The following FLNB variants were observed in gnomAD, a reference collection of about 807,000 sequenced individuals.
FLNB encodes filamin B.
A neutral mutation model predicts 250.6 loss-of-function variants in FLNB; 111 were observed. The ratio of observed to expected loss-of-function variants is 0.44; its 90% CI spans 0.38 to 0.52. The LOEUF is 0.52. FLNB is among the 20% of genes least tolerant of loss of function. The pLI, the probability that FLNB is intolerant of heterozygous loss-of-function variation, is 0.00. For missense variants in FLNB, 2,869 were observed against 3,447.8 expected, an observed-to-expected ratio of 0.83 and a Z score of 4.20; for synonymous variants, 1,302 against 1,372.1, an observed-to-expected ratio of 0.95 and a Z score of 1.13.
At chr3:58,100,843 C>T (rs1206895038) in intron 8 of FLNB, among the ~76,000 whole-genome samples, 2 of 151,936 alleles carry the variant, frequency 1.3e-5, no homozygotes, top group South Asian at 2.1e-4. Flanking sequence ...AAGTGATCCA[C>T]CTGCCTCGGC....
chr3:58,156,207 T>A (rs1200880178), intron 41 of FLNB, 132 bp downstream of exon 41: 1 of 704,212 alleles, frequency 1.4e-6, no homozygotes, highest in African/African-American at 1.8e-5. Flanking sequence ...TGTCACCCAG[T>A]CACTGGGGAG....
At chr3:58,049,409 C>T (rs2097158944) in intron 1 of FLNB, among the ~76,000 whole-genome samples, 1 of 152,078 alleles carries the variant, frequency 6.6e-6, no homozygotes, top group Non-Finnish European at 1.5e-5. Flanking sequence ...TATGACCTCA[C>T]CCATGAAGAA....
At chr3:58,137,616 T>C (rs2097318655) in intron 28 of FLNB, among the ~76,000 whole-genome samples, 1 of 152,244 alleles carries the variant, frequency 6.6e-6, no homozygotes, top group Non-Finnish European at 1.5e-5. Context: ...CTTTTCTGCA[T>C]TTCCTGATAT....
chr3:58,134,477 G>A (rs964721641), intron 26 of FLNB, 139 bp from the exon 27 acceptor site: 9 of 978,184 alleles, frequency 9.2e-6, no homozygotes, highest in Non-Finnish European at 1.5e-5. Context: ...GCTAGACTTA[G>A]GCACCTTGAC....
intron 32 of FLNB, 117 bp from the exon 33 acceptor site, chr3:58,145,804 C>T: frequency 1.6e-6 from 2 of 1,245,634 alleles, no homozygotes; most frequent in Admixed American, 1.7e-5. Context: ...TCTCTTCATG[C>T]CTCTGCTTAG....
chr3:58,103,937 AT>A, intron 9 of FLNB, 21 bp from the exon 10 acceptor site: 2 of 1,613,994 alleles, frequency 1.2e-6, no homozygotes, highest in South Asian at 1.1e-5. Context: ...TGTTGGAAAG[AT>A]TATCTCCTTC....
At chr3:58,148,615 C>T (rs1258270259) in intron 35 of FLNB, 34 bp from the exon 36 acceptor site, 7 of 1,568,776 alleles carry the variant, frequency 4.5e-6, no homozygotes, top group African/African-American at 2.7e-5. Flanking sequence ...TCTCCGCCAT[C>T]CCCTTACAAG....
chr3:58,099,393 A>G lies in FLNB; in HGVS notation c.1345+485A>G, dbSNP rs77459309. Among the ~76,000 whole-genome samples, 7 of 152,290 alleles carry G rather than the reference A, an allele frequency of 4.6e-5. No homozygotes were observed. In the East Asian group the frequency reaches 1.2e-3, roughly 25 times the overall value. On this transcript the variant is annotated intron_variant, in intron 8 of 45. Coordinates refer to ENST00000295956, the MANE Select transcript of FLNB (RefSeq NM_001457.4). ...TGCTGAGGCTTAGATAGCGTTAGGTATCAGTACTACAAGGCATCAGCAGGG... is the reference window on the plus strand; with the variant it reads ...TGCTGAGGCTTAGATAGCGTTAGGTGTCAGTACTACAAGGCATCAGCAGGG...
At chr3:58,116,500 C>T (rs1260044734) in intron 18 of FLNB, among the ~76,000 whole-genome samples, 2 of 152,200 alleles carry the variant, frequency 1.3e-5, no homozygotes, top group Non-Finnish European at 2.9e-5. Context: ...ACCTGCAGGC[C>T]TGCCACTCCA....
intron 1 of FLNB, among the ~76,000 whole-genome samples, chr3:58,065,936 GA>G (rs2097184914): frequency 6.6e-6 from 1 of 152,166 alleles, no homozygotes; most frequent in Admixed American, 6.5e-5. Flanking sequence ...GCGAGACACA[GA>G]CTGCCATCAG....
At position 58,153,326 on chromosome 3, in the gene FLNB, GC is replaced by G. The variant is rs764146679; in HGVS notation, c.6368-46del. The G allele has an allele frequency of 1.9e-5, 31 of 1,610,468 alleles. No homozygotes were observed. In the African/African-American group the frequency reaches 4.1e-4, roughly 21 times the overall value. ...CCCTGCATGTCCTGCCCTGTCTCAG[GC>G]CCTTGCCCTAACCCTCTTCTCTCCC... On this transcript the variant is annotated intron_variant, in intron 38 of 45. Transcript: ENST00000295956.
At chr3:58,093,544 G>A (rs1400397887) in intron 4 of FLNB, among the ~76,000 whole-genome samples, 2 of 152,074 alleles carry the variant, frequency 1.3e-5, no homozygotes, top group Non-Finnish European at 2.9e-5. Context: ...AGATGCTCTT[G>A]TCACCAAGGA....
intron 40 of FLNB, 26 bp from the exon 41 acceptor site, chr3:58,155,934 A>G: frequency 6.6e-7 from 1 of 1,523,916 alleles, no homozygotes; most frequent in Non-Finnish European, 9.1e-7. Context: ...AGTCTCTGAA[A>G]TGATGGGACT....
At chr3:58,066,197 GTTTTCTTTTTTCTTT>G (rs1420091151) in intron 1 of FLNB, among the ~76,000 whole-genome samples, 2 of 150,386 alleles carry the variant, frequency 1.3e-5, no homozygotes, top group Non-Finnish European at 3.0e-5. Flanking sequence ...TCTTCTTTAA[GTTTTCTTTTTTCTTT>G]TTTTCTTTTT....
At chr3:58,010,597 C>T (rs1297367043) in intron 1 of FLNB, among the ~76,000 whole-genome samples, 1 of 152,222 alleles carries the variant, frequency 6.6e-6, no homozygotes, top group East Asian at 1.9e-4. Context: ...AGCCTCCCCT[C>T]TGAAGAATCC....
intron 12 of FLNB, among the ~76,000 whole-genome samples, chr3:58,107,376 A>G (rs556948618): frequency 1.9e-4 from 29 of 152,292 alleles, no homozygotes; most frequent in African/African-American, 6.3e-4. Flanking sequence ...GCACTTTTAT[A>G]GTGTTGGGCA....
chr3:58,141,403 A>G (rs1262087387), intron 29 of FLNB, among the ~76,000 whole-genome samples: 2 of 152,124 alleles, frequency 1.3e-5, no homozygotes, highest in Non-Finnish European at 2.9e-5. Context: ...CACCGTACAT[A>G]CTGCTTTCGC....
In FLNB at chr3:58,153,599, G is replaced by A; in HGVS notation, c.6592G>A (p.Ala2198Thr). Residue 2198 changes from alanine to threonine, a missense_variant, in exon 39 of 46, where the codon GCA becomes ACA. By Grantham distance (58) the Ala-to-Thr change is moderately conservative. Around this residue, in one of 5 missense-constraint regions of FLNB, gnomAD observed 1,084 missense variants for 1,315.5 expected, o/e 0.82. Coordinates refer to ENST00000295956, the MANE Select transcript of FLNB (RefSeq NM_001457.4). ...LGEGGAHKVR[A>T]GGPGLERGEA... The stretch of plus-strand genomic sequence containing the variant: ...TGAAGGAGGCGCCCACAAGGTGCGG[G>A]CAGGAGGCCCTGGCCTGGAGAGAGG... The A allele has an allele frequency of 1.2e-6, 2 of 1,614,130 alleles. No individual in the cohort carries two copies. The highest frequency in any genetic ancestry group is 1.7e-6 in the Non-Finnish European group (2 of 1,180,038).
At chr3:58,115,991 C>G (rs1053228512) in intron 18 of FLNB, among the ~76,000 whole-genome samples, 1 of 151,894 alleles carries the variant, frequency 6.6e-6, no homozygotes, top group African/African-American at 2.4e-5. Flanking sequence ...AATTTCCTTC[C>G]CACCCCCACC....
Sources: gnomAD v4.1 joint callset for allele counts (sites outside exome capture counted in the v4.1 genomes callset) on GRCh38, gnomAD v4.1.1 for gene constraint, gnomAD v4.1.1 regional missense constraint, MANE v1.5 for transcripts, NCBI Gene and HGNC (gene_info 2026-07-23, HGNC 2026-07-21) for gene names.